Variants in TOM1L2 observed in about 807,000 individuals in gnomAD.
TOM1L2 encodes target of myb1 like 2 membrane trafficking protein.
Under a neutral mutation model 67.9 loss-of-function variants are expected in TOM1L2, and 31 were observed. That is an observed-to-expected ratio of 0.46 (90% CI 0.34 to 0.62). The LOEUF is 0.62. Ranked by LOEUF, TOM1L2 falls within the 20% of genes least tolerant of loss-of-function variation. TOM1L2 has a pLI of 0.01. For missense variants in TOM1L2, 606 were observed against 663.5 expected, an observed-to-expected ratio of 0.91 and a Z score of 0.95; for synonymous variants, 256 against 254.0, an observed-to-expected ratio of 1.01 and a Z score of -0.07.
At chr17:17,856,267 A>G (rs566878013) in intron 12 of TOM1L2, among the ~76,000 whole-genome samples, 1 of 152,282 alleles carries the variant, frequency 6.6e-6, no homozygotes, top group Non-Finnish European at 1.5e-5. Context: ...GCCAGAGGCC[A>G]GCCTGTCCCT....
chr17:17,873,740 C>T (rs147275011), intron 7 of TOM1L2, among the ~76,000 whole-genome samples: 4 of 152,326 alleles, frequency 2.6e-5, no homozygotes, highest in African/African-American at 7.2e-5. Context: ...GTCTCCAGTC[C>T]TCTCCAGGCC....
At chr17:17,923,094 T>C (rs1272184426) in intron 1 of TOM1L2, among the ~76,000 whole-genome samples, 1 of 152,204 alleles carries the variant, frequency 6.6e-6, no homozygotes, top group Non-Finnish European at 1.5e-5. Flanking sequence ...ATACCTGCTG[T>C]GCTCATTAAA....
intron 1 of TOM1L2, among the ~76,000 whole-genome samples, chr17:17,942,223 C>A (rs1039607684): frequency 1.3e-5 from 2 of 152,152 alleles, no homozygotes; most frequent in Non-Finnish European, 2.9e-5. Context: ...ACCAGACGAC[C>A]CTGATCTGCC....
At chr17:17,969,015 G>A (rs2091812414) in intron 1 of TOM1L2, among the ~76,000 whole-genome samples, 1 of 150,252 alleles carries the variant, frequency 6.7e-6, no homozygotes, top group African/African-American at 2.4e-5. Context: ...TCCTGAAACC[G>A]TAAATCCATT....
chr17:17,894,587 A>G (rs2038458227), intron 3 of TOM1L2, among the ~76,000 whole-genome samples: 1 of 152,258 alleles, frequency 6.6e-6, no homozygotes, highest in Admixed American at 6.5e-5. Flanking sequence ...TGTAAAGCAG[A>G]GATGATGAGC....
chr17:17,940,732 C>T (rs747386892), intron 1 of TOM1L2, among the ~76,000 whole-genome samples: 18 of 152,188 alleles, frequency 1.2e-4, no homozygotes, highest in Non-Finnish European at 2.5e-4. Context: ...CTCGCTAATT[C>T]AAATAAATAG....
Position 17,847,269 on chromosome 17 carries a change from G to T in TOM1L2, c.*366C>A. 3.5e-6 allele frequency: 1 copy of T among 283,748 alleles called. No homozygotes were observed. Among genetic ancestry groups the T allele is most frequent in the Non-Finnish European group, 6.7e-6 (1 of 148,872 alleles). 17.6% of individuals were successfully genotyped at this position (283,748 alleles called of 1,614,324 possible). ...GCTGAGCCAGGCAGAGGTGAGCACA[G>T]GGCGGGGCCGGGCGTGCTCTTTCTC... is the stretch of plus-strand genomic sequence containing the variant. On this transcript the variant is annotated 3_prime_UTR_variant, in exon 15 of 15. Coordinates refer to ENST00000379504, the MANE Select transcript of TOM1L2 (RefSeq NM_001082968.2).
intron 1 of TOM1L2, among the ~76,000 whole-genome samples, chr17:17,962,679 G>A (rs1216754016): frequency 6.6e-6 from 1 of 152,078 alleles, no homozygotes; most frequent in Non-Finnish European, 1.5e-5. Flanking sequence ...TAAATTTTGG[G>A]CCTGGTGTGG....
At chr17:17,854,337 A>C (rs2036151011) in intron 12 of TOM1L2, among the ~76,000 whole-genome samples, 1 of 152,096 alleles carries the variant, frequency 6.6e-6, no homozygotes, top group Non-Finnish European at 1.5e-5. Flanking sequence ...AGCAGGGGGC[A>C]CTGCGCTGAG....
chr17:17,945,286 ACACACT>A (rs1240863702), intron 1 of TOM1L2, among the ~76,000 whole-genome samples: 48 of 148,844 alleles, frequency 3.2e-4, no homozygotes, highest in East Asian at 2.0e-3. Context: ...ACACACACAC[ACACACT>A]CTCTCTCTCT....
At chr17:17,849,740 T>C (rs368508954) in intron 13 of TOM1L2, among the ~76,000 whole-genome samples, 5 of 152,174 alleles carry the variant, frequency 3.3e-5, no homozygotes, top group African/African-American at 1.2e-4. Context: ...CTATGTAGCC[T>C]TACTGGACAC....
intron 1 of TOM1L2, among the ~76,000 whole-genome samples, chr17:17,947,434 G>A (rs1329661299): frequency 6.6e-6 from 1 of 152,214 alleles, no homozygotes; most frequent in African/African-American, 2.4e-5. Context: ...TGAATTTGGA[G>A]ACAGGGTCTT....
intron 1 of TOM1L2, among the ~76,000 whole-genome samples, chr17:17,917,884 G>C (rs913272907): frequency 6.6e-6 from 1 of 151,874 alleles, no homozygotes; most frequent in Non-Finnish European, 1.5e-5. Context: ...GAGCCCGGGA[G>C]GTCAAGGCTG....
intron 10 of TOM1L2, among the ~76,000 whole-genome samples, chr17:17,864,762 G>A (rs941789716): frequency 2.6e-5 from 4 of 151,946 alleles, no homozygotes; most frequent in South Asian, 2.1e-4. Context: ...TCCACCTGCC[G>A]CAGCCTCCCA....
chr17:17,893,091 A>G (rs1027812293), intron 4 of TOM1L2, among the ~76,000 whole-genome samples: 2 of 152,262 alleles, frequency 1.3e-5, no homozygotes, highest in African/African-American at 4.8e-5. Flanking sequence ...AATTTGTAAC[A>G]CAGTGAGTGA....
At chr17:17,944,366 A>C (rs2040856922) in intron 1 of TOM1L2, among the ~76,000 whole-genome samples, 1 of 152,240 alleles carries the variant, frequency 6.6e-6, no homozygotes. Context: ...TCACGGCTGC[A>C]GGAGGCTAAT....
rs112621342 is a variant in TOM1L2 at position 17,850,692 on chromosome 17, G to A, written c.1338+201C>T. The stretch of plus-strand genomic sequence containing the variant: ...CTTGCCCCCAGCACAGTTGGCCTCC[G>A]CAGGCCGGGAGGCCACTGCAGCACC... On this transcript the variant is annotated intron_variant, in intron 13 of 14. Coordinates refer to ENST00000379504, the MANE Select transcript of TOM1L2 (RefSeq NM_001082968.2). 9.7e-3 allele frequency among the ~76,000 whole-genome samples: 1,474 copies of A among 152,210 alleles called. 25 individuals carry two copies. The highest frequency in any genetic ancestry group is 0.065 in the East Asian group (335 of 5,164).
chr17:17,868,116 A>C (rs949731016), intron 8 of TOM1L2, among the ~76,000 whole-genome samples: 1 of 152,250 alleles, frequency 6.6e-6, no homozygotes, highest in Non-Finnish European at 1.5e-5. Context: ...GTTAAACCCA[A>C]GCCCATTTAC....
chr17:17,938,717 T>C (rs1458396670), intron 1 of TOM1L2, among the ~76,000 whole-genome samples: 1 of 151,990 alleles, frequency 6.6e-6, no homozygotes, highest in Non-Finnish European at 1.5e-5. Flanking sequence ...CCTACATGCC[T>C]TAACTCATTA....
Sources: allele counts gnomAD v4.1 joint callset (sites outside exome capture counted in the v4.1 genomes callset), GRCh38; gene constraint gnomAD v4.1.1; transcripts MANE v1.5; gene names NCBI Gene and HGNC (gene_info 2026-07-23, HGNC 2026-07-21).